The following KCNIP1 variants were observed in gnomAD, a reference collection of about 807,000 sequenced individuals.
KCNIP1 encodes the protein A-type potassium channel modulatory protein KCNIP1.
Under a neutral mutation model 33.0 loss-of-function variants are expected in KCNIP1, and 18 were observed. That is an observed-to-expected ratio of 0.55 (90% confidence interval 0.38 to 0.81). The LOEUF (loss-of-function observed/expected upper bound fraction) is 0.81, where lower values mean the gene tolerates loss of function less well. KCNIP1 is among the 30% of genes least tolerant of loss of function. The pLI, the probability that KCNIP1 is intolerant of heterozygous loss-of-function variation, is 0.00. For synonymous variants in KCNIP1, 93 were observed against 98.3 expected (o/e 0.95, Z 0.32); for missense variants, 238 against 271.6 (o/e 0.88, Z 0.87).
Position 170,525,765 on chromosome 5 carries a change from G to A in KCNIP1, c.61+21132G>A, listed in dbSNP as rs562151480. On this transcript the variant is annotated intron_variant, in intron 1 of 7. Transcript: ENST00000328939. ...GTAAGGGTGGGCAGAGCCATGTGAT[G>A]CTGCACTGTCCACCTGGTTGAAGGA... is the stretch of plus-strand genomic sequence containing the variant. 2.4e-4 allele frequency among the ~76,000 whole-genome samples: 36 copies of A among 152,336 alleles called. 1 individual carries two copies. The South Asian group carries it at 7.0e-3, about 30-fold the overall frequency.
intron 1 of KCNIP1, among the ~76,000 whole-genome samples, chr5:170,652,480 A>G (rs1479535312): frequency 2.6e-5 from 2 of 75,670 alleles, no homozygotes; most frequent in African/African-American, 1.7e-4. Flanking sequence ...TTGAGACCCT[A>G]TTAAAAAAAA....
chr5:170,658,502 T>C (rs745679166), intron 1 of KCNIP1, among the ~76,000 whole-genome samples: 2 of 152,206 alleles, frequency 1.3e-5, no homozygotes, highest in African/African-American at 2.4e-5. Context: ...ACATGAGTTT[T>C]TGAGGGGAAA....
chr5:170,621,159 C>G (rs1167620081), intron 1 of KCNIP1, among the ~76,000 whole-genome samples: 1 of 152,226 alleles, frequency 6.6e-6, no homozygotes, highest in African/African-American at 2.4e-5. Flanking sequence ...TTCCCATCTG[C>G]AAAATGGGGA....
At chr5:170,691,544 A>G (rs1457606226) in intron 1 of KCNIP1, among the ~76,000 whole-genome samples, 1 of 152,198 alleles carries the variant, frequency 6.6e-6, no homozygotes, top group African/African-American at 2.4e-5. Context: ...GGATACTGGT[A>G]GGATTAGTTG....
intron 1 of KCNIP1, among the ~76,000 whole-genome samples, chr5:170,625,389 G>A (rs894364347): frequency 7.2e-5 from 11 of 152,124 alleles, no homozygotes; most frequent in African/African-American, 1.4e-4. Flanking sequence ...TGCACTACAC[G>A]TCTGCAGCTC....
chr5:170,519,940 G>A (rs1755297952), intron 1 of KCNIP1, among the ~76,000 whole-genome samples: 3 of 152,068 alleles, frequency 2.0e-5, no homozygotes, highest in African/African-American at 7.2e-5. Flanking sequence ...CAAAGACAGG[G>A]GGTGAGCGAA....
chr5:170,555,755 T>C (rs1197026740), intron 1 of KCNIP1, among the ~76,000 whole-genome samples: 1 of 152,184 alleles, frequency 6.6e-6, no homozygotes, highest in African/African-American at 2.4e-5. Flanking sequence ...AGAGTCTTCA[T>C]GAAATGAACT....
At chr5:170,713,010 A>G (rs1403130777) in intron 1 of KCNIP1, 7 of 806,354 alleles carry the variant, frequency 8.7e-6, no homozygotes, top group Non-Finnish European at 1.5e-5. Context: ...CTTTGTTAAC[A>G]AGCCCCACAT....
chr5:170,495,401 C>T lies in KCNIP1; in HGVS notation c.88+141437C>T, dbSNP rs148026595. ...GCCCAGGAGAGGTAGGTCAGGAACC[C>T]CTGCCTGAAAAAGACACACAAGTCA... On this transcript the variant is annotated intron_variant, in intron 1 of 7. Transcript: ENST00000377360. 3.9e-3 allele frequency among the ~76,000 whole-genome samples: 594 copies of T among 152,282 alleles called. 2 individuals carry two copies. Among genetic ancestry groups the T allele is most frequent in the African/African-American group, 0.013 (540 of 41,556 alleles).
intron 1 of KCNIP1, among the ~76,000 whole-genome samples, chr5:170,567,371 T>C (rs187436403): frequency 1.4e-4 from 21 of 151,660 alleles, no homozygotes; most frequent in Admixed American, 1.0e-3. Flanking sequence ...ATACAGGAGG[T>C]GAGGAGGTCA....
At chr5:170,435,072 A>G (rs1294837759) in intron 1 of KCNIP1, among the ~76,000 whole-genome samples, 1 of 152,246 alleles carries the variant, frequency 6.6e-6, no homozygotes, top group Non-Finnish European at 1.5e-5. Flanking sequence ...AGAAGGGGCC[A>G]GCGTCAGGTC....
At chr5:170,492,747 ATATC>A (rs1036790745) in intron 1 of KCNIP1, among the ~76,000 whole-genome samples, 1 of 138,464 alleles carries the variant, frequency 7.2e-6, no homozygotes, top group Non-Finnish European at 1.6e-5. Context: ...CAGAGACCAA[ATATC>A]TATCTATTTA....
chr5:170,389,126 G>A (rs933605609), intron 1 of KCNIP1: 2 of 152,330 alleles, frequency 1.3e-5, no homozygotes, highest in African/African-American at 4.8e-5. Flanking sequence ...CATCCAGAAG[G>A]ACAGCCCCGA....
intron 1 of KCNIP1, among the ~76,000 whole-genome samples, chr5:170,417,490 A>G (rs1399250627): frequency 6.6e-6 from 1 of 151,806 alleles, no homozygotes; most frequent in African/African-American, 2.4e-5. Context: ...CAAATGCTCC[A>G]CTCTCTGCCA....
At chr5:170,499,923 G>A (rs891281469), upstream of KCNIP1, among the ~76,000 whole-genome samples, 1 of 152,166 alleles carries the variant, frequency 6.6e-6, no homozygotes, top group Non-Finnish European at 1.5e-5. Flanking sequence ...AAGGCCTTGC[G>A]TCCAGAACTT....
chr5:170,569,666 C>T (rs1420927980), intron 1 of KCNIP1, among the ~76,000 whole-genome samples: 1 of 152,138 alleles, frequency 6.6e-6, no homozygotes, highest in Admixed American at 6.5e-5. Flanking sequence ...ATTGCTTGAG[C>T]CTGGAAGTTC....
intron 1 of KCNIP1, among the ~76,000 whole-genome samples, chr5:170,686,773 C>A (rs1762548479): frequency 1.3e-5 from 2 of 152,202 alleles, no homozygotes; most frequent in African/African-American, 4.8e-5. Context: ...CAGCCATGTG[C>A]TTAGTATATT....
intron 1 of KCNIP1, among the ~76,000 whole-genome samples, chr5:170,716,174 G>T (rs934733838): frequency 3.9e-5 from 6 of 152,212 alleles, no homozygotes; most frequent in Non-Finnish European, 7.3e-5. Context: ...AGTTAAATCA[G>T]TGCAGTTCAA....
chr5:170,371,866 G>A (rs368450883), intron 1 of KCNIP1, among the ~76,000 whole-genome samples: 3 of 152,322 alleles, frequency 2.0e-5, no homozygotes, highest in African/African-American at 2.4e-5. Flanking sequence ...TAGAAAGAGT[G>A]TGACTGTGTT....
Sources: gnomAD v4.1 joint callset for allele counts (sites outside exome capture counted in the v4.1 genomes callset) on GRCh38, gnomAD v4.1.1 for gene constraint, MANE v1.5 for transcripts, NCBI Gene and HGNC (gene_info 2026-07-23, HGNC 2026-07-21) for gene names.